Variants in ALCAM observed in about 807,000 individuals in gnomAD.
ALCAM encodes the protein activated leukocyte cell adhesion molecule, also known as CD166 antigen.
Under a neutral mutation model 70.9 loss-of-function variants are expected in ALCAM, and 30 were observed. The ratio of observed to expected loss-of-function variants is 0.42; its 90% confidence interval spans 0.32 to 0.57. The LOEUF is 0.57. Among genes scored for constraint, ALCAM ranks in the 20% least tolerant of loss-of-function variants. ALCAM has a pLI of 0.11. For synonymous variants in ALCAM, 249 were observed against 242.5 expected (o/e 1.03, Z -0.25); for missense variants, 591 against 695.1 (o/e 0.85, Z 1.68).
intron 1 of ALCAM, among the ~76,000 whole-genome samples, chr3:105,372,375 G>T (rs1935257866): frequency 6.6e-6 from 1 of 151,946 alleles, no homozygotes; most frequent in South Asian, 2.1e-4. Flanking sequence ...TTATTGAATA[G>T]AATACCTTAT....
chr3:105,472,511 T>G (rs1429092992), intron 1 of ALCAM, among the ~76,000 whole-genome samples: 2 of 151,574 alleles, frequency 1.3e-5, no homozygotes, highest in Non-Finnish European at 3.0e-5. Context: ...CCCTCTTAAT[T>G]GTTGTATCAA....
chr3:105,507,870 C>T (rs1219745009), intron 1 of ALCAM, among the ~76,000 whole-genome samples: 1 of 152,082 alleles, frequency 6.6e-6, no homozygotes, highest in African/African-American at 2.4e-5. Flanking sequence ...TCATTCAGTA[C>T]GTTTTTATTG....
intron 1 of ALCAM, among the ~76,000 whole-genome samples, chr3:105,409,430 A>G (rs1319234655): frequency 6.6e-6 from 1 of 152,144 alleles, no homozygotes; most frequent in Non-Finnish European, 1.5e-5. Flanking sequence ...ATTGGAGACT[A>G]TCATTCGAAG....
intron 1 of ALCAM, among the ~76,000 whole-genome samples, chr3:105,419,698 T>C (rs1395569665): frequency 6.6e-6 from 1 of 151,826 alleles, no homozygotes. Context: ...GTATTAGTTG[T>C]CCCAAAGGAG....
rs1451204468 is a variant in ALCAM at position 105,560,785 on chromosome 3, G to A, written c.1664+8200G>A. Among the ~76,000 whole-genome samples, 3 of 152,192 alleles carry A rather than the reference G, an allele frequency of 2.0e-5. No individual in the cohort carries two copies. In the East Asian group the frequency reaches 5.8e-4, roughly 29 times the overall value. On this transcript the variant is annotated intron_variant, in intron 14 of 15. Transcript: ENST00000306107. ...AAGCCATTCCAGCACTTGTTAAAAG[G>A]ACTTCCTTTCAGCCGTAACACATTT...
intron 1 of ALCAM, among the ~76,000 whole-genome samples, chr3:105,400,890 G>C (rs2107370999): frequency 6.6e-6 from 1 of 152,184 alleles, no homozygotes; most frequent in East Asian, 1.9e-4. Flanking sequence ...TGTAAAATGG[G>C]GAAGGTAATA....
At chr3:105,416,985 A>G (rs989953792) in intron 1 of ALCAM, among the ~76,000 whole-genome samples, 2 of 151,950 alleles carry the variant, frequency 1.3e-5, no homozygotes, top group Non-Finnish European at 2.9e-5. Flanking sequence ...TATGAAGTCT[A>G]AAATCCTTGA....
intron 1 of ALCAM, among the ~76,000 whole-genome samples, chr3:105,445,296 A>G (rs535712858): frequency 8.3e-4 from 126 of 152,266 alleles, no homozygotes; most frequent in Non-Finnish European, 1.3e-3. Flanking sequence ...TCAATACACT[A>G]AAACACTGAA....
chr3:105,384,033 A>C (rs770717476), intron 1 of ALCAM, among the ~76,000 whole-genome samples: 12 of 151,666 alleles, frequency 7.9e-5, no homozygotes, highest in Non-Finnish European at 1.8e-4. Context: ...GTACCACTGA[A>C]AATACATCTG....
intron 1 of ALCAM, among the ~76,000 whole-genome samples, chr3:105,442,589 G>C (rs1409936551): frequency 6.6e-6 from 1 of 151,984 alleles, no homozygotes; most frequent in Non-Finnish European, 1.5e-5. Context: ...ATACCATCCT[G>C]GCTAACATGG....
intron 3 of ALCAM, among the ~76,000 whole-genome samples, chr3:105,530,688 A>G (rs1244400651): frequency 1.3e-5 from 2 of 152,048 alleles, no homozygotes; most frequent in East Asian, 3.9e-4. Flanking sequence ...CCCTCTTATA[A>G]TTAAAGAGCA....
At position 105,485,375 on chromosome 3, in the gene ALCAM, TTGTG is replaced by T. The variant is rs10575049; in HGVS notation, c.74-34673_74-34670del. On this transcript the variant is annotated intron_variant, in intron 1 of 15. Transcript: ENST00000306107. Reference sequence around the variant, plus strand: ...TTTTGAGATTCCAGACAGAACTACATTGTGTGTGTGTGTGTGTGTGTGCGCGCAC... The same window carrying T: ...TTTTGAGATTCCAGACAGAACTACATTGTGTGTGTGTGTGTGTGCGCGCAC... Among the ~76,000 whole-genome samples the T allele has an allele frequency of 1.3e-4, 20 of 149,604 alleles. 1 individual carries two copies. Among genetic ancestry groups the T allele is most frequent in the Admixed American group, 3.3e-4 (5 of 14,970 alleles).
intron 1 of ALCAM, among the ~76,000 whole-genome samples, chr3:105,415,673 A>G (rs1030261713): frequency 1.3e-5 from 2 of 152,032 alleles, no homozygotes; most frequent in African/African-American, 4.8e-5. Context: ...TTTTTCCTAA[A>G]ATATTTGTTT....
chr3:105,483,501 G>A (rs957254361), intron 1 of ALCAM, among the ~76,000 whole-genome samples: 1 of 152,128 alleles, frequency 6.6e-6, no homozygotes, highest in Non-Finnish European at 1.5e-5. Flanking sequence ...AAAATGTACG[G>A]AGAAGCTTAT....
chr3:105,465,898 A>G (rs547166522), intron 1 of ALCAM, among the ~76,000 whole-genome samples: 8 of 151,360 alleles, frequency 5.3e-5, no homozygotes, highest in Non-Finnish European at 1.2e-4. Context: ...GACTTTAAAC[A>G]CAAGGAATGA....
intron 1 of ALCAM, among the ~76,000 whole-genome samples, chr3:105,391,519 C>A (rs1935817474): frequency 6.6e-6 from 1 of 152,034 alleles, no homozygotes; most frequent in African/African-American, 2.4e-5. Flanking sequence ...GATATAGGAT[C>A]ATGTCATCTG....
At chr3:105,450,101 G>A (rs1475858477) in intron 1 of ALCAM, among the ~76,000 whole-genome samples, 1 of 152,074 alleles carries the variant, frequency 6.6e-6, no homozygotes, top group East Asian at 1.9e-4. Context: ...ATTAATAATA[G>A]TTCTAATAAT....
At chr3:105,449,262 A>G (rs1433104043) in intron 1 of ALCAM, among the ~76,000 whole-genome samples, 3 of 152,232 alleles carry the variant, frequency 2.0e-5, no homozygotes, top group Non-Finnish European at 4.4e-5. Context: ...TGCAGGTTGT[A>G]TAAGATGACA....
rs1935139641 is a variant in ALCAM, at chr3:105,368,470, C to A, written c.73+989C>A. On this transcript the variant is annotated intron_variant, in intron 1 of 15. Transcript: ENST00000306107. ...CTGAAAATTTAGGGGATTTTTTTTT[C>A]TTTGAAGTTTTTTTTTTCTATCCCT... Among the ~76,000 whole-genome samples, 3 of 151,742 alleles carry A rather than the reference C, an allele frequency of 2.0e-5. No homozygotes were observed. In the South Asian group the frequency reaches 6.2e-4, roughly 32 times the overall value.
Sources: allele counts gnomAD v4.1 joint callset (sites outside exome capture counted in the v4.1 genomes callset), GRCh38; gene constraint gnomAD v4.1.1; transcripts MANE v1.5; gene names NCBI Gene and HGNC (gene_info 2026-07-23, HGNC 2026-07-21).